The following DYNC2I2 variants were observed in gnomAD, a reference collection of about 807,000 sequenced individuals.
DYNC2I2 encodes the protein cytoplasmic dynein 2 intermediate chain 2.
Under a neutral mutation model 52.0 loss-of-function variants are expected in DYNC2I2, and 39 were observed. That is an observed-to-expected ratio of 0.75 (90% CI 0.58 to 0.98). The LOEUF is 0.98. Ranked by LOEUF, DYNC2I2 falls within the 50% of genes least tolerant of loss-of-function variation. The probability of loss-of-function intolerance (pLI) is 0.00; values close to 1 mark genes in which losing one functional copy is unlikely to be tolerated. For missense variants in DYNC2I2, 743 were observed against 728.4 expected, an observed-to-expected ratio of 1.02 and a Z score of -0.23; for synonymous variants, 359 against 321.1, an observed-to-expected ratio of 1.12 and a Z score of -1.26.
At chr9:128,681,327 G>A in the DYNC2I2 span, among the ~76,000 whole-genome samples, 5 of 152,040 alleles carry the variant, frequency 3.3e-5, no homozygotes, top group Non-Finnish European at 2.9e-5. Context: ...CTGACCTCAG[G>A]TGATCCACCT....
At chr9:128,635,447 GCTGCTCACTCGGTGC>G in intron 5 of DYNC2I2, 188 bp from the exon 6 acceptor site, 2 of 829,348 alleles carry the variant, frequency 2.4e-6, no homozygotes, top group Non-Finnish European at 3.7e-6. Context: ...GAATCCCAGC[GCTGCTCACTCGGTGC>G]CTGCAGAGGA....
chr9:128,635,327 C>G, intron 5 of DYNC2I2, 68 bp from the exon 6 acceptor site: 1 of 1,520,200 alleles, frequency 6.6e-7, no homozygotes, highest in Non-Finnish European at 8.8e-7. Flanking sequence ...CGCTCCACCC[C>G]TACCCTCCCT....
the DYNC2I2 span, among the ~76,000 whole-genome samples, chr9:128,680,148 C>T: frequency 6.6e-6 from 1 of 151,988 alleles, no homozygotes; most frequent in African/African-American, 2.4e-5. Flanking sequence ...ACAACCTCTG[C>T]CTCCCGGGTT....
In DYNC2I2 at chr9:128,640,715, C is replaced by T. The variant is rs774297644; in HGVS notation, c.411G>A (p.Val137=). 4 of 1,614,038 alleles carry T rather than the reference C, an allele frequency of 2.5e-6. No individual in the cohort carries two copies. The highest frequency in any genetic ancestry group is 1.1e-5 in the South Asian group (1 of 91,086). ...WQSHAFDGFE[V]NWTEQQQMVS... Reference sequence around the variant, plus strand: ...CCATCTGCTGCTGCTCGGTCCAGTTCACCTCGAAGCCATCAAACGCGTGGC... The same window carrying T: ...CCATCTGCTGCTGCTCGGTCCAGTTTACCTCGAAGCCATCAAACGCGTGGC... The change falls in exon 2 of 9, where the codon GTG becomes GTA. Residue 137 remains valine, a synonymous_variant. Transcript: ENST00000372715.
At chr9:128,675,074 T>C in the DYNC2I2 span, among the ~76,000 whole-genome samples, 20 of 152,260 alleles carry the variant, frequency 1.3e-4, no homozygotes, top group South Asian at 1.5e-3. Context: ...ACTAAGGCTA[T>C]GTTGGTATAG....
intron 6 of DYNC2I2, 80 bp downstream of exon 6, chr9:128,635,010 AGC>A: frequency 6.3e-7 from 1 of 1,584,796 alleles, no homozygotes; most frequent in South Asian, 1.1e-5. Flanking sequence ...GGGAGATCAC[AGC>A]AAGTCAGGCC....
At chr9:128,672,671 A>T in the DYNC2I2 span, among the ~76,000 whole-genome samples, 1 of 152,188 alleles carries the variant, frequency 6.6e-6, no homozygotes, top group Non-Finnish European at 1.5e-5. Context: ...ATTCAATGAA[A>T]TGTACTGAAA....
At chr9:128,638,334 TG>T (rs1176896499) in intron 2 of DYNC2I2, among the ~76,000 whole-genome samples, 1 of 151,182 alleles carries the variant, frequency 6.6e-6, no homozygotes, top group Non-Finnish European at 1.5e-5. Flanking sequence ...CTGGCCAACA[TG>T]GTGAAACCCA....
chr9:128,670,938 G>A, the DYNC2I2 span, among the ~76,000 whole-genome samples: 13 of 150,688 alleles, frequency 8.6e-5, no homozygotes, highest in Admixed American at 2.7e-4. Context: ...GTGGTGGCAC[G>A]TGCCTGTAAT....
chr9:128,660,323 A>G (rs1473708816), upstream of DYNC2I2, among the ~76,000 whole-genome samples: 1 of 149,974 alleles, frequency 6.7e-6, no homozygotes, highest in South Asian at 2.1e-4. Context: ...TGTTAGCCAG[A>G]ATGGTCCCGA....
Position 128,644,275 on chromosome 9 carries a change from C to CTTT in DYNC2I2, c.187-3339_187-3337dup, listed in dbSNP as rs10660438. Reference sequence around the variant, plus strand: ...GGTGATCGACTTGAACCCAGGCGGCCTTTTTTTTTTTTTGAGACAGGGTCT... The same window carrying CTTT: ...GGTGATCGACTTGAACCCAGGCGGCCTTTTTTTTTTTTTTTTGAGACAGGGTCT... On this transcript the variant is annotated intron_variant, in intron 1 of 8. Coordinates refer to ENST00000372715, the MANE Select transcript of DYNC2I2 (RefSeq NM_052844.4). Among the ~76,000 whole-genome samples, 787 of 146,778 alleles carry CTTT rather than the reference C, an allele frequency of 5.4e-3. 17 individuals carry two copies. Among genetic ancestry groups the CTTT allele is most frequent in the African/African-American group, 0.012 (469 of 39,576 alleles).
At chr9:128,645,188 TA>T (rs60929747) in intron 1 of DYNC2I2, among the ~76,000 whole-genome samples, 122,789 of 143,384 alleles carry the variant, frequency 0.86, 52,805 homozygotes, top group Non-Finnish European at 0.94. Flanking sequence ...CCATCTCTAC[TA>T]AAAAAAAAAA....
chr9:128,654,177 A>G (rs967650653), intron 1 of DYNC2I2, among the ~76,000 whole-genome samples: 4 of 152,210 alleles, frequency 2.6e-5, no homozygotes, highest in Non-Finnish European at 5.9e-5. Context: ...ACAGCACAGC[A>G]AAGCGGGAAG....
In DYNC2I2 at chr9:128,634,436, G is replaced by A. The variant is rs561535606; in HGVS notation, c.1215-53C>T. The A allele has an allele frequency of 8.5e-6, 13 of 1,520,846 alleles. No homozygotes were observed. The Admixed American group carries it at 1.3e-4, about 16-fold the overall frequency. The allele number at this position is 1,520,846 out of a possible 1,614,324, so 94.2% of individuals were successfully genotyped here. On this transcript the variant is annotated intron_variant, in intron 7 of 8. Coordinates refer to ENST00000372715, the MANE Select transcript of DYNC2I2 (RefSeq NM_052844.4). ...GGGAATCAGTGCTGGGGTCTGGGTGGTGCTGGCCCCCAACACCAGACCCCT... is the reference window on the plus strand; with the variant it reads ...GGGAATCAGTGCTGGGGTCTGGGTGATGCTGGCCCCCAACACCAGACCCCT...
chr9:128,669,043 C>T, the DYNC2I2 span, among the ~76,000 whole-genome samples: 1 of 151,796 alleles, frequency 6.6e-6, no homozygotes, highest in East Asian at 1.9e-4. Context: ...CCAGCCTGAC[C>T]AACATGGCAA....
intron 1 of DYNC2I2, among the ~76,000 whole-genome samples, chr9:128,655,786 C>T (rs1014112578): frequency 6.6e-6 from 1 of 151,056 alleles, no homozygotes; most frequent in African/African-American, 2.4e-5. Flanking sequence ...TGGCGGCCGC[C>T]TGTAGTCCCA....
At chr9:128,654,682 C>T (rs1332127292) in intron 1 of DYNC2I2, among the ~76,000 whole-genome samples, 1 of 152,184 alleles carries the variant, frequency 6.6e-6, no homozygotes. Flanking sequence ...CTCAGCTGCT[C>T]AAGTAGCTGG....
intron 5 of DYNC2I2, 128 bp downstream of exon 5, chr9:128,635,530 C>T (rs565335999): frequency 1.5e-5 from 14 of 907,816 alleles, no homozygotes; most frequent in Non-Finnish European, 2.0e-5. Flanking sequence ...ACTCATGCTG[C>T]GGGAGCTCCG....
At chr9:128,674,903 A>G in the DYNC2I2 span, among the ~76,000 whole-genome samples, 1 of 152,008 alleles carries the variant, frequency 6.6e-6, no homozygotes, top group Non-Finnish European at 1.5e-5. Flanking sequence ...AGGAATACTC[A>G]GGAGCCAGAG....
Sources: gnomAD v4.1 joint callset for allele counts (sites outside exome capture counted in the v4.1 genomes callset) on GRCh38, gnomAD v4.1.1 for gene constraint, MANE v1.5 for transcripts, NCBI Gene and HGNC (gene_info 2026-07-23, HGNC 2026-07-21) for gene names.